Variants in NT5C3A observed in about 807,000 individuals in gnomAD.
The protein encoded by NT5C3A is 5'-nucleotidase, cytosolic IIIA, also known as cytosolic 5'-nucleotidase 3A.
In NT5C3A, 23 loss-of-function variants were observed where a neutral mutation model predicts 40.0. The ratio of observed to expected loss-of-function variants is 0.58; its 90% CI spans 0.41 to 0.81. NT5C3A has a LOEUF of 0.81. NT5C3A is among the 40% of genes least tolerant of loss of function. The probability of loss-of-function intolerance (pLI) is 0.00; values close to 1 mark genes in which losing one functional copy is unlikely to be tolerated. For synonymous variants in NT5C3A, 130 were observed against 141.4 expected (o/e 0.92, Z 0.57); for missense variants, 328 against 403.0 (o/e 0.81, Z 1.59).
At chr7:33,039,397 G>C (rs751869434) in intron 1 of NT5C3A, among the ~76,000 whole-genome samples, 5 of 151,926 alleles carry the variant, frequency 3.3e-5, no homozygotes, top group Non-Finnish European at 7.4e-5. Context: ...AAACTACATT[G>C]ATAAGGTAAT....
chr7:33,029,671 G>A (rs778277297), intron 1 of NT5C3A: 2 of 1,289,756 alleles, frequency 1.6e-6, no homozygotes, highest in African/African-American at 1.5e-5. Context: ...ACGGATAGGA[G>A]AATCACACCA....
intron 1 of NT5C3A, among the ~76,000 whole-genome samples, chr7:33,027,840 C>T (rs1786030046): frequency 1.3e-5 from 2 of 152,162 alleles, no homozygotes; most frequent in South Asian, 4.1e-4. Context: ...CCCTCTGAAA[C>T]ATGCATATAT....
intron 3 of NT5C3A, among the ~76,000 whole-genome samples, chr7:33,023,089 T>C (rs1466479958): frequency 6.6e-6 from 1 of 151,966 alleles, no homozygotes; most frequent in East Asian, 1.9e-4. Context: ...AATTTTTTAT[T>C]TTTTGTAAGA....
intron 1 of NT5C3A, among the ~76,000 whole-genome samples, chr7:33,036,639 T>C (rs1786619547): frequency 6.6e-6 from 1 of 152,140 alleles, no homozygotes; most frequent in Non-Finnish European, 1.5e-5. Context: ...CAAGAATATT[T>C]TATCAACACT....
intron 1 of NT5C3A, among the ~76,000 whole-genome samples, chr7:33,048,771 T>C (rs566568075): frequency 1.3e-5 from 2 of 152,332 alleles, no homozygotes; most frequent in East Asian, 3.9e-4. Context: ...TTACAAATTG[T>C]TGCTCAAAAT....
intron 5 of NT5C3A, among the ~76,000 whole-genome samples, chr7:33,020,293 A>C (rs1179886998): frequency 6.6e-6 from 1 of 151,964 alleles, no homozygotes; most frequent in Non-Finnish European, 1.5e-5. Context: ...AAAGAAAGAA[A>C]CGAAAAGAAA....
At chr7:33,048,133 T>C (rs1471489598) in intron 1 of NT5C3A, among the ~76,000 whole-genome samples, 4 of 151,810 alleles carry the variant, frequency 2.6e-5, no homozygotes. Flanking sequence ...TGTAAGATAA[T>C]ACCATAAATG....
At chr7:33,027,619 C>T (rs1344192321) in intron 1 of NT5C3A, among the ~76,000 whole-genome samples, 1 of 151,882 alleles carries the variant, frequency 6.6e-6, no homozygotes, top group African/African-American at 2.4e-5. Context: ...CTATTAGTTT[C>T]ATTTCTGTGA....
chr7:33,016,107 G>T (rs2127992545), intron 7 of NT5C3A, among the ~76,000 whole-genome samples: 1 of 152,212 alleles, frequency 6.6e-6, no homozygotes, highest in East Asian at 1.9e-4. Flanking sequence ...CGGGCGCAGG[G>T]GCTCACACCT....
chr7:33,052,520 AT>A lies in NT5C3A; in HGVS notation c.138+10047del, dbSNP rs1188099772. Among the ~76,000 whole-genome samples, 381 of 142,492 alleles carry A rather than the reference AT, an allele frequency of 2.7e-3. 4 individuals carry two copies. The highest frequency in any genetic ancestry group is 9.2e-3 in the African/African-American group (360 of 39,050). 93.5% of individuals were successfully genotyped at this position (142,492 alleles called of 152,430 possible). A position where few individuals can be genotyped will look rare whatever the true frequency, so the allele number is the denominator to read the frequency against. On this transcript the variant is annotated intron_variant, in intron 1 of 8. Transcript: ENST00000610140. ...AAAAAAAAAAAAAAAAGTTATACAG[AT>A]TTTTTTTTCACAGCTGCCCAATATT...
intron 1 of NT5C3A, among the ~76,000 whole-genome samples, chr7:33,047,256 C>T (rs1397480278): frequency 6.6e-6 from 1 of 152,078 alleles, no homozygotes; most frequent in East Asian, 1.9e-4. Flanking sequence ...AAAGGTAATG[C>T]AATTTAAGCT....
chr7:33,017,632 A>G (rs763846692), intron 6 of NT5C3A, 31 bp from the exon 7 acceptor site: 3 of 1,545,160 alleles, frequency 1.9e-6, no homozygotes, highest in Admixed American at 3.3e-5. Context: ...ACTGGTTATT[A>G]AAGAGCAAGA....
chr7:33,031,035 G>A (rs1246031200), intron 1 of NT5C3A, among the ~76,000 whole-genome samples: 1 of 150,114 alleles, frequency 6.7e-6, no homozygotes, highest in Non-Finnish European at 1.5e-5. Context: ...GGGGGGCGGA[G>A]CCTGCAGTGA....
rs1416484251 is a variant in NT5C3A at position 33,028,751 on chromosome 7, A to C, written c.139-1836T>G. ...ACTGTCTTCCAAAGACTGGAAGATG[A>C]TAACGAAAGTGTAGAGGAAAGAGGC... On this transcript the variant is annotated intron_variant, in intron 1 of 8. Transcript: ENST00000610140. 2.0e-5 allele frequency among the ~76,000 whole-genome samples: 3 copies of C among 152,116 alleles called. No individual in the cohort carries two copies. In the South Asian group the frequency reaches 6.2e-4, roughly 32 times the overall value.
At chr7:33,036,151 GAACT>G (rs771795894) in intron 1 of NT5C3A, 8 of 634,780 alleles carry the variant, frequency 1.3e-5, no homozygotes, top group Non-Finnish European at 2.2e-5. Flanking sequence ...TATGTACAAA[GAACT>G]AACATGGTTT....
chr7:33,050,480 C>G (rs1043781518), intron 1 of NT5C3A, among the ~76,000 whole-genome samples: 1 of 152,182 alleles, frequency 6.6e-6, no homozygotes. Flanking sequence ...TCCAGATAGA[C>G]TGAAAAACTG....
At chr7:33,027,518 C>A (rs4236335) in intron 1 of NT5C3A, among the ~76,000 whole-genome samples, 108,308 of 152,094 alleles carry the variant, frequency 0.71, 38,922 homozygotes, top group African/African-American at 0.77. Context: ...ACGCTTACCA[C>A]AGAAATAACA....
chr7:33,030,244 T>C (rs926623597), intron 1 of NT5C3A, among the ~76,000 whole-genome samples: 4 of 152,170 alleles, frequency 2.6e-5, no homozygotes, highest in Admixed American at 1.3e-4. Flanking sequence ...ATAAGCACAC[T>C]GTAGAAGTAT....
rs543635976 is a variant in NT5C3A at position 33,017,824 on chromosome 7, C to T, written c.531-223G>A. Among the ~76,000 whole-genome samples the T allele has an allele frequency of 2.5e-3, 381 of 152,276 alleles. 4 individuals carry two copies. Among genetic ancestry groups the T allele is most frequent in the African/African-American group, 8.8e-3 (364 of 41,546 alleles). Reference sequence around the variant, plus strand: ...CTTTAATCAATTCTAATACTACAAACTAGATGTCTTTAAGCTTTCACTGAA... The same window carrying T: ...CTTTAATCAATTCTAATACTACAAATTAGATGTCTTTAAGCTTTCACTGAA... On this transcript the variant is annotated intron_variant, in intron 6 of 8. Transcript: ENST00000610140.
Sources: allele counts gnomAD v4.1 joint callset (sites outside exome capture counted in the v4.1 genomes callset), GRCh38; gene constraint gnomAD v4.1.1; transcripts MANE v1.5; gene names NCBI Gene and HGNC (gene_info 2026-07-23, HGNC 2026-07-21).